Variants in HPSE2 observed in about 807,000 individuals in gnomAD.
HPSE2 encodes heparanase 2 (inactive), also known as inactive heparanase-2.
A neutral mutation model predicts 60.5 loss-of-function variants in HPSE2; 38 were observed. The ratio of observed to expected loss-of-function variants is 0.63; its 90% CI spans 0.48 to 0.82. The LOEUF is 0.82. Ranked by LOEUF, HPSE2 falls within the 40% of genes least tolerant of loss-of-function variation. The pLI is 0.00. For synonymous variants in HPSE2, 295 were observed against 293.2 expected (o/e 1.01, Z -0.06); for missense variants, 713 against 740.4 (o/e 0.96, Z 0.43).
chr10:98,472,176 A>AT (rs2133609535), intron 11 of HPSE2, among the ~76,000 whole-genome samples: 1 of 151,854 alleles, frequency 6.6e-6, no homozygotes, highest in East Asian at 1.9e-4. Context: ...AACCTTAAGT[A>AT]TAAGTATTTT....
At chr10:99,275,603 T>C in the HPSE2 span, among the ~76,000 whole-genome samples, 1 of 152,264 alleles carries the variant, frequency 6.6e-6, no homozygotes, top group Non-Finnish European at 1.5e-5. Context: ...CTCCCTTCTT[T>C]CCTTTTGAAT....
At chr10:98,518,488 T>C (rs1003416999) in intron 9 of HPSE2, among the ~76,000 whole-genome samples, 5 of 152,074 alleles carry the variant, frequency 3.3e-5, no homozygotes, top group African/African-American at 1.2e-4. Context: ...GGTGGATCAC[T>C]TGAGGTCAGG....
chr10:99,001,040 T>C (rs929996058), intron 3 of HPSE2, among the ~76,000 whole-genome samples: 3 of 152,116 alleles, frequency 2.0e-5, no homozygotes, highest in African/African-American at 7.2e-5. Context: ...TTTGAATTTA[T>C]AAAACTAATG....
chr10:99,139,421 C>T (rs1034241142), intron 3 of HPSE2, among the ~76,000 whole-genome samples: 2 of 151,930 alleles, frequency 1.3e-5, no homozygotes, highest in Non-Finnish European at 2.9e-5. Flanking sequence ...ACTTGTACCC[C>T]TAAAGCTGTT....
chr10:99,188,297 T>C (rs1848101845), intron 2 of HPSE2, among the ~76,000 whole-genome samples: 1 of 152,120 alleles, frequency 6.6e-6, no homozygotes, highest in Non-Finnish European at 1.5e-5. Flanking sequence ...GGGTTGACTG[T>C]AAAGCGGCAA....
At chr10:99,285,479 G>A in the HPSE2 span, among the ~76,000 whole-genome samples, 7 of 129,018 alleles carry the variant, frequency 5.4e-5, no homozygotes, top group Non-Finnish European at 1.1e-4. Flanking sequence ...AGGAAGGAAG[G>A]GAGGGAGGGA....
chr10:98,882,129 T>C (rs1437981569), intron 3 of HPSE2, among the ~76,000 whole-genome samples: 1 of 152,024 alleles, frequency 6.6e-6, no homozygotes, highest in East Asian at 1.9e-4. Flanking sequence ...TAGATAAGCA[T>C]GCCTTGGGTA....
chr10:98,959,404 G>C (rs1235171625), intron 3 of HPSE2, among the ~76,000 whole-genome samples: 3 of 150,048 alleles, frequency 2.0e-5, no homozygotes, highest in Non-Finnish European at 4.4e-5. Flanking sequence ...AGGCCCAGTG[G>C]CTGCTGATGT....
chr10:98,476,113 C>T (rs1413306264), intron 11 of HPSE2, among the ~76,000 whole-genome samples: 1 of 151,476 alleles, frequency 6.6e-6, no homozygotes, highest in Non-Finnish European at 1.5e-5. Flanking sequence ...GAAAATGTGG[C>T]ACATATACAC....
intron 3 of HPSE2, among the ~76,000 whole-genome samples, chr10:98,832,686 G>A (rs557065336): frequency 6.6e-6 from 1 of 152,236 alleles, no homozygotes; most frequent in Admixed American, 6.5e-5. Context: ...GACAGAGAAG[G>A]TGACCAGATA....
In HPSE2 at chr10:98,522,810, A is replaced by G. The variant is rs529593026; in HGVS notation, c.1321-32614T>C. Among the ~76,000 whole-genome samples the G allele has an allele frequency of 1.8e-3, 276 of 152,300 alleles. 2 individuals carry two copies. Among genetic ancestry groups the G allele is most frequent in the Middle Eastern group, 3.4e-3 (1 of 294 alleles). On this transcript the variant is annotated intron_variant, in intron 9 of 11. Transcript: ENST00000370552. ...GCGAATCTTTGAAAGGAGGAGATGG[A>G]CACAGTGTAGAGAAAAGGCAGAAGT... is the stretch of plus-strand genomic sequence containing the variant.
intron 3 of HPSE2, among the ~76,000 whole-genome samples, chr10:98,844,695 A>G (rs1279173544): frequency 1.3e-5 from 2 of 152,212 alleles, no homozygotes; most frequent in African/African-American, 4.8e-5. Context: ...AATTTTAATG[A>G]TAGCTCTCAC....
rs1401837038 is a variant in HPSE2 at position 98,634,531 on chromosome 10, TG to T, written c.1098+7315del. On this transcript the variant is annotated intron_variant, in intron 7 of 11. Coordinates refer to ENST00000370552, the MANE Select transcript of HPSE2 (RefSeq NM_021828.5). ...AAGAAGAAGTGGGTTTTTGTTTGTTTGTTTTGCTCTTTTCTTCTTATTTACT... is the reference window on the plus strand; with the variant it reads ...AAGAAGAAGTGGGTTTTTGTTTGTTTTTTTGCTCTTTTCTTCTTATTTACT... Among the ~76,000 whole-genome samples the T allele has an allele frequency of 4.7e-4, 70 of 149,020 alleles. 1 individual carries two copies. Among genetic ancestry groups the T allele is most frequent in the African/African-American group, 1.8e-3 (70 of 38,748 alleles).
intron 9 of HPSE2, among the ~76,000 whole-genome samples, chr10:98,582,727 C>A (rs1026963202): frequency 1.3e-5 from 2 of 152,168 alleles, no homozygotes; most frequent in Non-Finnish European, 2.9e-5. Context: ...GGAGCCTTTA[C>A]TTTAAAGTAA....
chr10:99,271,359 C>T, the HPSE2 span, among the ~76,000 whole-genome samples: 1 of 152,162 alleles, frequency 6.6e-6, no homozygotes, highest in Admixed American at 6.5e-5. Context: ...AGCTGAGAAT[C>T]AAATCAAGAA....
chr10:99,034,167 A>G (rs2135458226), intron 3 of HPSE2, among the ~76,000 whole-genome samples: 1 of 152,358 alleles, frequency 6.6e-6, no homozygotes, highest in Non-Finnish European at 1.5e-5. Flanking sequence ...ACAAACTATG[A>G]TTTATGCAAC....
rs199531515 is a variant in HPSE2 at position 99,235,658 on chromosome 10, C to T, written c.145G>A (p.Val49Ile). 29 of 1,614,014 alleles carry T rather than the reference C, an allele frequency of 1.8e-5. No homozygotes were observed. In the East Asian group the frequency reaches 6.0e-4, roughly 34 times the overall value. ...SQAGDRRPLP[V>I]DRAAGLKEKT... ...TCCTTCAAACCTGCAGCTCTGTCTA[C>T]AGGCAAGGGTCTCCTGTCTCCAGCC... Residue 49 changes from valine (V) to isoleucine (I), a missense_variant, in exon 1 of 12, where the codon GTA becomes ATA. Physicochemically the swap from Val to Ile is conservative, Grantham distance 29. Coordinates refer to ENST00000370552, the MANE Select transcript of HPSE2 (RefSeq NM_021828.5).
chr10:98,604,945 G>A (rs1361588409), intron 9 of HPSE2, among the ~76,000 whole-genome samples: 1 of 152,178 alleles, frequency 6.6e-6, no homozygotes, highest in East Asian at 1.9e-4. Flanking sequence ...TCCAGTAGGT[G>A]AGCCTTCTAT....
At chr10:98,984,786 A>G (rs1019513870) in intron 3 of HPSE2, among the ~76,000 whole-genome samples, 3 of 152,228 alleles carry the variant, frequency 2.0e-5, no homozygotes, top group Non-Finnish European at 4.4e-5. Context: ...CAATGCAGAG[A>G]AGTCCTTAAA....
Sources: gnomAD v4.1 joint callset for allele counts (sites outside exome capture counted in the v4.1 genomes callset) on GRCh38, gnomAD v4.1.1 for gene constraint, MANE v1.5 for transcripts, NCBI Gene and HGNC (gene_info 2026-07-23, HGNC 2026-07-21) for gene names.